The following ENOX2 variants were observed in gnomAD, a reference collection of about 807,000 sequenced individuals.
ENOX2 encodes APK1 antigen.
Under a neutral mutation model 45.0 loss-of-function variants are expected in ENOX2, and 36 were observed. The observed-to-expected ratio is 0.80, with a 90% CI of 0.61 to 1.06. The LOEUF (loss-of-function observed/expected upper bound fraction) is 1.06. ENOX2 is among the 50% of genes least tolerant of loss of function. The pLI is 0.00. For missense variants in ENOX2, 423 were observed against 462.5 expected (o/e 0.91, Z 0.78); for synonymous variants, 174 against 152.3 (o/e 1.14, Z -1.05).
At chrX:130,849,597 T>C (rs1335108427) in intron 2 of ENOX2, among the ~76,000 whole-genome samples, 4 of 112,278 alleles carry the variant, frequency 3.6e-5, no homozygotes, top group Non-Finnish European at 5.6e-5. Flanking sequence ...AGTTATGCTC[T>C]CTGTGTCAAG....
chrX:130,635,413 G>A (rs1603291805), intron 11 of ENOX2, among the ~76,000 whole-genome samples: 1 of 112,007 alleles, frequency 8.9e-6, no homozygotes, highest in East Asian at 2.8e-4. Context: ...TGTTTTGATT[G>A]CTGCATATAA....
At position 130,732,200 on chromosome X, in the gene ENOX2, C is replaced by T. The variant is rs766195127; in HGVS notation, c.-38-28946G>A. On this transcript the variant is annotated intron_variant, in intron 3 of 14. Coordinates refer to ENST00000394363, the MANE Select transcript of ENOX2 (RefSeq NM_006375.4). ...GAAAAATCAGTTGCATTTCTATACA[C>T]TAACACTGAACTATCTGAAAGAGAA... Among the ~76,000 whole-genome samples, 3 of 111,910 alleles carry T rather than the reference C, an allele frequency of 2.7e-5. No homozygotes were observed. In the East Asian group the frequency reaches 8.3e-4, roughly 31 times the overall value.
intron 2 of ENOX2, among the ~76,000 whole-genome samples, chrX:130,807,879 C>T (rs1184876770): frequency 8.9e-6 from 1 of 112,137 alleles, no homozygotes; most frequent in Non-Finnish European, 1.9e-5. Flanking sequence ...ACTCCTCGAA[C>T]ATTGATTTCT....
intron 10 of ENOX2, among the ~76,000 whole-genome samples, chrX:130,639,331 G>A (rs2036020068): frequency 1.8e-5 from 2 of 111,887 alleles, no homozygotes; most frequent in Admixed American, 1.9e-4. Flanking sequence ...GTGTGTGGGT[G>A]GGGGGTGATG....
intron 2 of ENOX2, among the ~76,000 whole-genome samples, chrX:130,855,642 A>G (rs753667081): frequency 8.9e-6 from 1 of 111,739 alleles, no homozygotes; most frequent in East Asian, 2.8e-4. Context: ...TAATCAAAGA[A>G]AGAAAAATCT....
intron 2 of ENOX2, among the ~76,000 whole-genome samples, chrX:130,821,817 G>A (rs1382587633): frequency 1.0e-5 from 1 of 95,539 alleles, no homozygotes; most frequent in Non-Finnish European, 2.0e-5. Context: ...GGTAATCCCA[G>A]CACTTTGGGA....
At chrX:130,645,614 G>A (rs1427117985) in intron 10 of ENOX2, 10 of 373,848 alleles carry the variant, frequency 2.7e-5, no homozygotes, top group Non-Finnish European at 4.6e-5. Flanking sequence ...AGACTGGGCC[G>A]CAGGCCATGG....
chrX:130,842,929 T>C (rs774706862), intron 2 of ENOX2, among the ~76,000 whole-genome samples: 6 of 111,488 alleles, frequency 5.4e-5, no homozygotes, highest in Non-Finnish European at 9.4e-5. Context: ...GTATGCAGAA[T>C]AGCAGAATAG....
chrX:130,752,660 G>A (rs187255107), intron 3 of ENOX2, among the ~76,000 whole-genome samples: 107 of 109,924 alleles, frequency 9.7e-4, no homozygotes, highest in East Asian at 6.3e-3. Context: ...TATTTCTCTC[G>A]TCTTCCTGTT....
intron 3 of ENOX2, among the ~76,000 whole-genome samples, chrX:130,722,804 C>T (rs746302316): frequency 5.4e-5 from 6 of 112,045 alleles, no homozygotes; most frequent in South Asian, 3.7e-4. Context: ...CCAGTGAATT[C>T]GCCAAACCAC....
intron 3 of ENOX2, among the ~76,000 whole-genome samples, chrX:130,711,638 G>A (rs2038193513): frequency 8.9e-6 from 1 of 111,748 alleles, no homozygotes; most frequent in Non-Finnish European, 1.9e-5. Flanking sequence ...CACATGAGTT[G>A]TGAGTGTGGC....
rs748340117 is a variant in ENOX2 at position 130,835,613 on chromosome X, G to GA, written c.-182-51924dup. On this transcript the variant is annotated intron_variant, in intron 2 of 14. Transcript: ENST00000394363. ...AGGCAGAAAGCAGCATAACATATTA[G>GA]AAAAAAACACTTGATTAGGAGTCCC... 5.4e-5 allele frequency among the ~76,000 whole-genome samples: 6 copies of GA among 111,114 alleles called. No homozygotes were observed. The East Asian group carries it at 1.7e-3, about 31-fold the overall frequency.
At chrX:130,708,143 C>T (rs2038088435) in intron 3 of ENOX2, among the ~76,000 whole-genome samples, 1 of 111,841 alleles carries the variant, frequency 8.9e-6, no homozygotes, top group African/African-American at 3.3e-5. Context: ...TGGGAAGCTA[C>T]TAAATTAGGA....
intron 4 of ENOX2, 106 bp downstream of exon 4, chrX:130,703,014 G>A (rs1011598290): frequency 1.1e-6 from 1 of 875,704 alleles, no homozygotes; most frequent in Non-Finnish European, 1.6e-6. Context: ...ACTCTAGGCA[G>A]AATCTGGTAA....
chrX:130,758,777 C>T (rs1215721844), intron 3 of ENOX2, among the ~76,000 whole-genome samples: 1 of 111,905 alleles, frequency 8.9e-6, no homozygotes, highest in Non-Finnish European at 1.9e-5. Flanking sequence ...AAGGTGATAT[C>T]TCATTGTGAC....
At chrX:130,702,174 T>C (rs2037916619) in intron 4 of ENOX2, among the ~76,000 whole-genome samples, 1 of 111,574 alleles carries the variant, frequency 9.0e-6, no homozygotes, top group Admixed American at 9.6e-5. Context: ...GCTAACTATA[T>C]AAATAAATGG....
chrX:130,813,487 T>A (rs969437865), intron 2 of ENOX2, among the ~76,000 whole-genome samples: 2 of 111,928 alleles, frequency 1.8e-5, no homozygotes, highest in African/African-American at 6.5e-5. Context: ...ACAGCTCTGG[T>A]CTGCAGCTCC....
chrX:130,736,984 T>C (rs2038875578), intron 3 of ENOX2, among the ~76,000 whole-genome samples: 1 of 111,986 alleles, frequency 8.9e-6, no homozygotes, highest in Non-Finnish European at 1.9e-5. Context: ...GGTTGAAGAA[T>C]TTACAACCAA....
rs192815272 is a variant in ENOX2, at chrX:130,871,039, G to A, written c.-183+30645C>T. Among the ~76,000 whole-genome samples, 273 of 110,479 alleles carry A rather than the reference G, an allele frequency of 2.5e-3. 1 individual carries two copies. Among genetic ancestry groups the A allele is most frequent in the African/African-American group, 8.1e-3 (247 of 30,421 alleles). ...GCATTTCTATATGCTTCCACTAGTCGTTATGAGAAAGAGCCAGTATCAAGG... is the reference window on the plus strand; with the variant it reads ...GCATTTCTATATGCTTCCACTAGTCATTATGAGAAAGAGCCAGTATCAAGG... On this transcript the variant is annotated intron_variant, in intron 2 of 14. Coordinates refer to ENST00000394363, the MANE Select transcript of ENOX2 (RefSeq NM_006375.4).
Sources: gnomAD v4.1 joint callset for allele counts (sites outside exome capture counted in the v4.1 genomes callset) on GRCh38, gnomAD v4.1.1 for gene constraint, MANE v1.5 for transcripts, NCBI Gene and HGNC (gene_info 2026-07-23, HGNC 2026-07-21) for gene names.